GRID2: variants seen among roughly 807,000 people sequenced by gnomAD.
The protein encoded by GRID2 is glutamate receptor ionotropic, delta-2.
Under a neutral mutation model 114.8 loss-of-function variants are expected in GRID2, and 33 were observed. That is an observed-to-expected ratio of 0.29 (90% CI 0.22 to 0.38). The LOEUF (loss-of-function observed/expected upper bound fraction) is 0.38. GRID2 is among the 10% of genes least tolerant of loss of function. The probability of loss-of-function intolerance (pLI) is 1.00; values close to 1 mark genes in which losing one functional copy is unlikely to be tolerated. For synonymous variants in GRID2, 505 were observed against 449.9 expected (o/e 1.12, Z -1.55); for missense variants, 1,184 against 1,257.7 (o/e 0.94, Z 0.89).
At chr4:92,700,414 G>A (rs1734611522) in intron 2 of GRID2, among the ~76,000 whole-genome samples, 1 of 152,130 alleles carries the variant, frequency 6.6e-6, no homozygotes, top group Admixed American at 6.5e-5. Context: ...TATATTCTAA[G>A]ACTATCCTAG....
chr4:93,779,319 C>T (rs1482471368), downstream of GRID2, among the ~76,000 whole-genome samples: 2 of 151,820 alleles, frequency 1.3e-5, no homozygotes, highest in Non-Finnish European at 2.9e-5. Context: ...CCAACAAATA[C>T]TTTCTGAGCA....
intron 14 of GRID2, among the ~76,000 whole-genome samples, chr4:93,644,359 A>G (rs1241596558): frequency 1.4e-5 from 2 of 145,364 alleles, no homozygotes; most frequent in Non-Finnish European, 3.1e-5. Context: ...CATCTTAATG[A>G]TATTTTTACC....
chr4:93,422,941 T>C lies in GRID2; in HGVS notation c.1518T>C (p.Asn506=), dbSNP rs564366892. The C allele has an allele frequency of 6.2e-6, 10 of 1,612,298 alleles. No homozygotes were observed. In the East Asian group the frequency reaches 2.2e-4, roughly 36 times the overall value. Residue 506 remains asparagine (N), a synonymous_variant, in exon 10 of 16, where the codon AAT becomes AAC. Coordinates refer to ENST00000282020, the MANE Select transcript of GRID2 (RefSeq NM_001510.4). ...YGSPQEDGTW[N]GLVGELVFKR... ...GCCCACAAGAAGATGGGACATGGAA[T>C]GGCTTGGTAGGAGAACTTGTCTTTA... is the stretch of plus-strand genomic sequence containing the variant.
intron 8 of GRID2, among the ~76,000 whole-genome samples, chr4:93,322,362 C>T (rs1410701856): frequency 1.3e-5 from 2 of 152,120 alleles, no homozygotes; most frequent in African/African-American, 4.8e-5. Flanking sequence ...CATGTCCTTA[C>T]AAAGGACATG....
At chr4:92,432,564 A>C (rs936760604) in intron 1 of GRID2, among the ~76,000 whole-genome samples, 1 of 152,056 alleles carries the variant, frequency 6.6e-6, no homozygotes, top group African/African-American at 2.4e-5. Context: ...GCTACTGCTG[A>C]TGTTCACTCA....
intron 1 of GRID2, among the ~76,000 whole-genome samples, chr4:92,463,042 A>G (rs1457678706): frequency 6.6e-6 from 1 of 151,996 alleles, no homozygotes; most frequent in African/African-American, 2.4e-5. Flanking sequence ...ATATAAAAAC[A>G]GCTTGAAGTT....
intron 9 of GRID2, among the ~76,000 whole-genome samples, chr4:93,406,646 G>T (rs556316987): frequency 6.6e-6 from 1 of 152,126 alleles, no homozygotes; most frequent in Non-Finnish European, 1.5e-5. Flanking sequence ...GAATTCAAAA[G>T]AAAATGTAGA....
intron 2 of GRID2, among the ~76,000 whole-genome samples, chr4:92,831,887 T>C (rs1742128176): frequency 6.6e-6 from 1 of 151,942 alleles, no homozygotes; most frequent in Non-Finnish European, 1.5e-5. Context: ...ATTATACATC[T>C]ATATAAATAA....
At chr4:92,919,346 A>C (rs912670962) in intron 2 of GRID2, among the ~76,000 whole-genome samples, 2 of 151,612 alleles carry the variant, frequency 1.3e-5, no homozygotes, top group Non-Finnish European at 2.9e-5. Context: ...TTGTGTCTCT[A>C]TTTCCTTCAG....
intron 8 of GRID2, among the ~76,000 whole-genome samples, chr4:93,391,099 A>C (rs931107134): frequency 6.6e-6 from 1 of 152,162 alleles, no homozygotes; most frequent in African/African-American, 2.4e-5. Flanking sequence ...ACCAAACTGT[A>C]GTAATAGAAT....
chr4:93,524,671 A>G lies in GRID2; in HGVS notation c.2193+9260A>G, dbSNP rs141635548. ...TATGAAGACTTCTTAGGTCATCACCAGGAATTTTACATAAGTTACAATGTG... is the reference window on the plus strand; with the variant it reads ...TATGAAGACTTCTTAGGTCATCACCGGGAATTTTACATAAGTTACAATGTG... On this transcript the variant is annotated intron_variant, in intron 13 of 15. Coordinates refer to ENST00000282020, the MANE Select transcript of GRID2 (RefSeq NM_001510.4). Among the ~76,000 whole-genome samples, 451 of 151,556 alleles carry G rather than the reference A, an allele frequency of 3.0e-3. 2 individuals are homozygous for G. Among genetic ancestry groups the G allele is most frequent in the Middle Eastern group, 0.01 (3 of 294 alleles).
chr4:92,715,687 C>G (rs866347087), intron 2 of GRID2, among the ~76,000 whole-genome samples: 1 of 152,062 alleles, frequency 6.6e-6, no homozygotes, highest in South Asian at 2.1e-4. Flanking sequence ...TTTATAAAAC[C>G]ATCAGATCTG....
intron 1 of GRID2, among the ~76,000 whole-genome samples, chr4:92,326,006 A>G (rs1010520248): frequency 6.6e-6 from 1 of 151,888 alleles, no homozygotes; most frequent in African/African-American, 2.4e-5. Context: ...TATGTAAGAT[A>G]ATTCTACACA....
chr4:93,253,969 G>A (rs926943452), intron 8 of GRID2, among the ~76,000 whole-genome samples: 1 of 151,968 alleles, frequency 6.6e-6, no homozygotes, highest in African/African-American at 2.4e-5. Flanking sequence ...ATTTTAAATT[G>A]TCAGCATTTC....
At chr4:93,203,880 G>A (rs1379992673) in intron 4 of GRID2, 2 of 152,152 alleles carry the variant, frequency 1.3e-5, no homozygotes, top group East Asian at 3.9e-4. Context: ...CACATGGGAG[G>A]TTTTATGAGT....
chr4:93,378,158 A>G (rs554635431), intron 8 of GRID2, among the ~76,000 whole-genome samples: 7 of 152,208 alleles, frequency 4.6e-5, no homozygotes, highest in African/African-American at 1.7e-4. Context: ...CTTTAATCCT[A>G]TTTTTATATG....
At chr4:93,795,807 A>G (rs1734784858) in intron 1 of GRID2, among the ~76,000 whole-genome samples, 1 of 152,238 alleles carries the variant, frequency 6.6e-6, no homozygotes, top group Non-Finnish European at 1.5e-5. Flanking sequence ...TGTGAAAACC[A>G]AAGGTAGATT....
intron 1 of GRID2, among the ~76,000 whole-genome samples, chr4:92,360,957 A>C (rs370099209): frequency 5.3e-5 from 8 of 151,992 alleles, no homozygotes; most frequent in East Asian, 3.9e-4. Context: ...TTGGTGACTG[A>C]TAAGTTGCTT....
At chr4:93,570,883 C>G (rs746605971) in intron 13 of GRID2, among the ~76,000 whole-genome samples, 19 of 152,108 alleles carry the variant, frequency 1.2e-4, no homozygotes, top group Non-Finnish European at 2.2e-4. Context: ...CTCTCATTGC[C>G]TCTTCATATG....
Sources: allele counts gnomAD v4.1 joint callset (sites outside exome capture counted in the v4.1 genomes callset), GRCh38; gene constraint gnomAD v4.1.1; transcripts MANE v1.5; gene names NCBI Gene and HGNC (gene_info 2026-07-23, HGNC 2026-07-21).